The following RIMBP2 variants were observed in gnomAD, a reference collection of about 807,000 sequenced individuals.
RIMBP2 encodes RIMS-binding protein 2.
RIMBP2 carries 48 observed loss-of-function variants against 118.6 expected under a neutral mutation model. The ratio of observed to expected loss-of-function variants is 0.40; its 90% CI spans 0.32 to 0.51. RIMBP2 has a LOEUF of 0.51. RIMBP2 is among the 20% of genes least tolerant of loss of function. The pLI is 0.41. For synonymous variants in RIMBP2, 762 were observed against 742.9 expected, an observed-to-expected ratio of 1.03 and a Z score of -0.42; for missense variants, 1,551 against 1,768.3, an observed-to-expected ratio of 0.88 and a Z score of 2.20.
In RIMBP2 at chr12:130,522,359, G is replaced by A. The variant is rs148803260; in HGVS notation, c.-216-4442C>T. ...ACAGGGCCAGAGGTGCTAGAGGTTCGGGGAACATGGCAACCGGCCAGCCCA... is the reference window on the plus strand; with the variant it reads ...ACAGGGCCAGAGGTGCTAGAGGTTCAGGGAACATGGCAACCGGCCAGCCCA... On this transcript the variant is annotated intron_variant, in intron 2 of 22. Transcript: ENST00000690449. Among the ~76,000 whole-genome samples, 73 of 152,312 alleles carry A rather than the reference G, an allele frequency of 4.8e-4. No individual in the cohort carries two copies. The East Asian group carries it at 0.011, about 22-fold the overall frequency.
In RIMBP2 at chr12:130,508,276, A is replaced by G. The variant is rs2050556581; in HGVS notation, c.-126-1506T>C. Among the ~76,000 whole-genome samples the G allele has an allele frequency of 2.0e-5, 3 of 151,840 alleles. No individual in the cohort carries two copies. In the South Asian group the frequency reaches 6.2e-4, roughly 32 times the overall value. On this transcript the variant is annotated intron_variant, in intron 3 of 22. Transcript: ENST00000690449. ...CGGTGACCAGCACCATCTTTCTGAA[A>G]TACCTGCCAGATCTTGCCTCTCCCT...
In RIMBP2 at chr12:130,572,482, C is replaced by T. The variant is rs553561729; in HGVS notation, c.-216-54565G>A. 4.6e-5 allele frequency among the ~76,000 whole-genome samples: 7 copies of T among 152,192 alleles called. No individual in the cohort carries two copies. In the South Asian group the frequency reaches 1.5e-3, roughly 32 times the overall value. On this transcript the variant is annotated intron_variant, in intron 2 of 22. Coordinates refer to ENST00000690449, the MANE Select transcript of RIMBP2 (RefSeq NM_001393629.1). ...GGCCTGACGGTGGACTCATCCTTTA[C>T]AAGGCGGCTGGAGACGACCTGATTC...
intron 2 of RIMBP2, among the ~76,000 whole-genome samples, chr12:130,598,229 A>G (rs1039670488): frequency 6.6e-6 from 1 of 152,220 alleles, no homozygotes; most frequent in African/African-American, 2.4e-5. Context: ...GAGAAAAATT[A>G]AAGACGACCT....
intron 21 of RIMBP2, among the ~76,000 whole-genome samples, chr12:130,400,498 A>G (rs2074427097): frequency 6.6e-6 from 1 of 152,162 alleles, no homozygotes; most frequent in South Asian, 2.1e-4. Context: ...ATCTGCACCA[A>G]GTGGCTCACA....
rs1443850205 is a variant in RIMBP2 at position 130,646,119 on chromosome 12, C to T, written c.-351-17663G>A. ...TCCACCTCCCTCTCCACCTCCCTCA[C>T]CACCTGCCTCTCCACCTCCCTCACC... On this transcript the variant is annotated intron_variant, in intron 1 of 22. Coordinates refer to ENST00000690449, the MANE Select transcript of RIMBP2 (RefSeq NM_001393629.1). 1.6e-3 allele frequency among the ~76,000 whole-genome samples: 178 copies of T among 111,918 alleles called. 7 individuals are homozygous for T. Among genetic ancestry groups the T allele is most frequent in the African/African-American group, 2.8e-3 (85 of 30,546 alleles). 73.4% of individuals were successfully genotyped at this position (111,918 alleles called of 152,430 possible).
At chr12:130,507,597 A>G (rs544443226) in intron 3 of RIMBP2, among the ~76,000 whole-genome samples, 4 of 152,352 alleles carry the variant, frequency 2.6e-5, no homozygotes, top group African/African-American at 9.6e-5. Context: ...TTCTCAGGCC[A>G]CAACCCCCAG....
At chr12:130,618,482 T>C (rs2061096426) in intron 2 of RIMBP2, among the ~76,000 whole-genome samples, 1 of 152,062 alleles carries the variant, frequency 6.6e-6, no homozygotes, top group African/African-American at 2.4e-5. Context: ...CCTTCAGTCT[T>C]AGGTTTCTCG....
intron 2 of RIMBP2, among the ~76,000 whole-genome samples, chr12:130,552,034 T>C (rs931778269): frequency 2.0e-5 from 3 of 152,242 alleles, no homozygotes; most frequent in Non-Finnish European, 4.4e-5. Context: ...TTCCACAGCA[T>C]TGGATTAAAT....
chr12:130,466,780 G>A (rs2080516420), intron 6 of RIMBP2, among the ~76,000 whole-genome samples: 1 of 152,144 alleles, frequency 6.6e-6, no homozygotes, highest in South Asian at 2.1e-4. Flanking sequence ...ACAGGGATGG[G>A]ACAAAGAACT....
intron 2 of RIMBP2, among the ~76,000 whole-genome samples, chr12:130,560,386 G>C (rs1441388910): frequency 6.6e-6 from 1 of 152,126 alleles, no homozygotes; most frequent in Non-Finnish European, 1.5e-5. Context: ...AAGATTCTTT[G>C]CTGTGGGGCT....
Position 130,670,322 on chromosome 12 carries a change from G to A in RIMBP2, c.-351-41866C>T, listed in dbSNP as rs565566294. 1.6e-4 allele frequency among the ~76,000 whole-genome samples: 24 copies of A among 152,254 alleles called. 1 individual carries two copies. In the South Asian group the frequency reaches 2.1e-3, roughly 13 times the overall value. On this transcript the variant is annotated intron_variant, in intron 1 of 22. Transcript: ENST00000690449. The surrounding 1 kb of genome is among the most constrained non-coding windows in gnomAD (Gnocchi z 4.9). ...TTATGGTGATTTCTTACTGATGGACGTTCTAGGAAGGCATGGAGAAGCGGA... is the reference window on the plus strand; with the variant it reads ...TTATGGTGATTTCTTACTGATGGACATTCTAGGAAGGCATGGAGAAGCGGA...
At position 130,620,821 on chromosome 12, in the gene RIMBP2, C is replaced by A. The variant is rs1332281088; in HGVS notation, c.-217+7501G>T. Among the ~76,000 whole-genome samples the A allele has an allele frequency of 6.6e-6, 1 of 152,200 alleles. No homozygotes were observed. The highest frequency in any genetic ancestry group is 1.5e-5 in the Non-Finnish European group (1 of 68,042). ...CAAGTAAGATCACATTTTGAGGGGG[C>A]TGGGCCTCCAACATTCTTTTTGTAG... On this transcript the variant is annotated intron_variant, in intron 2 of 22. Transcript: ENST00000690449. The surrounding 1 kb of genome is among the most constrained non-coding windows in gnomAD (Gnocchi z 5.3).
intron 4 of RIMBP2, among the ~76,000 whole-genome samples, chr12:130,498,749 C>T (rs2049446595): frequency 6.6e-6 from 1 of 151,796 alleles, no homozygotes; most frequent in Non-Finnish European, 1.5e-5. Context: ...CAGGAGAGGA[C>T]AACATGCAGG....
intron 4 of RIMBP2, among the ~76,000 whole-genome samples, chr12:130,489,536 C>T (rs2048427953): frequency 2.0e-5 from 3 of 152,266 alleles, no homozygotes; most frequent in South Asian, 4.2e-4. Context: ...CTCTGCCTCT[C>T]GAGCTGTCTC....
At chr12:130,477,041 C>T (rs970709971) in intron 5 of RIMBP2, among the ~76,000 whole-genome samples, 2 of 152,230 alleles carry the variant, frequency 1.3e-5, no homozygotes, top group African/African-American at 4.8e-5. Context: ...AAAACTACAT[C>T]AAAGCCTCTA....
chr12:130,579,215 C>T (rs754751621), intron 2 of RIMBP2, among the ~76,000 whole-genome samples: 2 of 152,118 alleles, frequency 1.3e-5, no homozygotes, highest in Admixed American at 6.5e-5. Flanking sequence ...AGGGCTTATC[C>T]CATTCCCTGG....
intron 6 of RIMBP2, among the ~76,000 whole-genome samples, chr12:130,458,438 C>T (rs1371270592): frequency 6.6e-6 from 1 of 152,104 alleles, no homozygotes; most frequent in Non-Finnish European, 1.5e-5. Flanking sequence ...GACGACTTGG[C>T]TTCGCAGGGC....
intron 2 of RIMBP2, among the ~76,000 whole-genome samples, chr12:130,607,222 C>A (rs1405751729): frequency 6.6e-6 from 1 of 152,084 alleles, no homozygotes; most frequent in Non-Finnish European, 1.5e-5. Context: ...TATATAGTCC[C>A]AGCTTAAATC....
rs866374583 is a variant in RIMBP2, at chr12:130,670,635, G to A, written c.-351-42179C>T. Among the ~76,000 whole-genome samples the A allele has an allele frequency of 5.4e-5, 8 of 149,276 alleles. No individual in the cohort carries two copies. The highest frequency in any genetic ancestry group is 4.2e-4 in the South Asian group (2 of 4,804). ...TTCCCAGTACCCTTCTCTCACACCC[G>A]CCTCCACTAGAGAGGCTGGAAAGGA... On this transcript the variant is annotated intron_variant, in intron 1 of 22. Transcript: ENST00000690449. The surrounding 1 kb of genome is among the most constrained non-coding windows in gnomAD (Gnocchi z 4.9).
Sources: allele counts gnomAD v4.1 joint callset (sites outside exome capture counted in the v4.1 genomes callset), GRCh38; gene constraint gnomAD v4.1.1; non-coding constraint Gnocchi (gnomAD v3.1); transcripts MANE v1.5; gene names NCBI Gene and HGNC (gene_info 2026-07-23, HGNC 2026-07-21).